PDE11A: variants seen among roughly 807,000 people sequenced by gnomAD.
The protein encoded by PDE11A is dual 3',5'-cyclic-AMP and -GMP phosphodiesterase 11A.
PDE11A carries 100 observed loss-of-function variants against 100.5 expected under a neutral mutation model. That is an observed-to-expected ratio of 1.00 (90% CI 0.85 to 1.18). The LOEUF (loss-of-function observed/expected upper bound fraction) is 1.18, where lower values mean the gene tolerates loss of function less well. PDE11A is among the 50% of genes most tolerant of loss of function. The probability of loss-of-function intolerance (pLI) is 0.00; values close to 1 mark genes in which losing one functional copy is unlikely to be tolerated. For missense variants in PDE11A, 1,141 were observed against 1,152.6 expected (o/e 0.99, Z 0.15); for synonymous variants, 381 against 420.8 (o/e 0.91, Z 1.16).
At chr2:177,794,211 A>C (rs78891542) in intron 9 of PDE11A, among the ~76,000 whole-genome samples, 3,086 of 152,316 alleles carry the variant, frequency 0.02, 56 homozygotes, top group South Asian at 0.048. Context: ...GGAAGGTGGC[A>C]CTGAATAGTA....
intron 10 of PDE11A, among the ~76,000 whole-genome samples, chr2:177,753,427 T>C (rs1203704564): frequency 6.6e-6 from 1 of 151,874 alleles, no homozygotes; most frequent in African/African-American, 2.4e-5. Context: ...ATAGCCCAGG[T>C]CCACATGAAG....
intron 10 of PDE11A, among the ~76,000 whole-genome samples, chr2:177,731,772 T>C (rs1385679404): frequency 1.3e-5 from 2 of 152,206 alleles, no homozygotes; most frequent in African/African-American, 4.8e-5. Flanking sequence ...GAGGAGTCTA[T>C]GGTATAAATC....
At chr2:178,075,813 G>A (rs1463715635), upstream of PDE11A, among the ~76,000 whole-genome samples, 1 of 152,092 alleles carries the variant, frequency 6.6e-6, no homozygotes. Flanking sequence ...ACTTGAAGAG[G>A]TCCCCTTAGG....
intron 10 of PDE11A, among the ~76,000 whole-genome samples, chr2:177,747,815 G>A (rs1388178236): frequency 6.6e-6 from 1 of 152,124 alleles, no homozygotes; most frequent in Non-Finnish European, 1.5e-5. Context: ...ACAAGAGATT[G>A]GCTGTGGGCC....
At chr2:177,707,586 TC>T (rs2081298798) in intron 13 of PDE11A, among the ~76,000 whole-genome samples, 1 of 152,146 alleles carries the variant, frequency 6.6e-6, no homozygotes, top group South Asian at 2.1e-4. Context: ...GTTTTTTTCA[TC>T]CGCTTGGTAT....
chr2:177,633,505 T>C (rs894145513), intron 19 of PDE11A, among the ~76,000 whole-genome samples: 3 of 152,218 alleles, frequency 2.0e-5, no homozygotes, highest in Non-Finnish European at 4.4e-5. Flanking sequence ...TAAGACAGAG[T>C]ATGTTCTGTC....
chr2:177,854,326 A>G (rs1403262957), intron 5 of PDE11A, among the ~76,000 whole-genome samples: 1 of 152,098 alleles, frequency 6.6e-6, no homozygotes, highest in Non-Finnish European at 1.5e-5. Flanking sequence ...TGAAAAAGAA[A>G]AGATGGAAAT....
At chr2:178,107,446 A>C (rs1437244861) in intron 1 of PDE11A, among the ~76,000 whole-genome samples, 1 of 150,718 alleles carries the variant, frequency 6.6e-6, no homozygotes, top group Non-Finnish European at 1.5e-5. Flanking sequence ...TCCAAGAATG[A>C]AGTAATTTCA....
At chr2:177,903,408 T>A (rs1435613530) in intron 3 of PDE11A, among the ~76,000 whole-genome samples, 2 of 152,206 alleles carry the variant, frequency 1.3e-5, no homozygotes, top group Non-Finnish European at 2.9e-5. Context: ...CTATGCAATT[T>A]AAAAAAATTG....
intron 2 of PDE11A, chr2:177,998,855 A>G: frequency 1.6e-6 from 1 of 608,064 alleles, no homozygotes; most frequent in Non-Finnish European, 3.0e-6. Context: ...CAAGCCCACT[A>G]CCTGCACTAT....
intron 2 of PDE11A, among the ~76,000 whole-genome samples, chr2:178,002,893 G>A (rs1448246317): frequency 6.6e-6 from 1 of 152,158 alleles, no homozygotes; most frequent in Non-Finnish European, 1.5e-5. Context: ...AGAAAAATGA[G>A]TGAAATTTAT....
intron 16 of PDE11A, chr2:177,676,017 G>A (rs2080767249): frequency 4.1e-6 from 1 of 244,754 alleles, no homozygotes; most frequent in Admixed American, 5.1e-5. Context: ...GCTCTACAGA[G>A]CTAAGATTTA....
chr2:177,997,339 T>C, intron 2 of PDE11A: 1 of 875,598 alleles, frequency 1.1e-6, no homozygotes, highest in Non-Finnish European at 2.0e-6. Flanking sequence ...GCCTGGCATC[T>C]CTTTTTTGTT....
chr2:177,767,531 C>T (rs2082255904), intron 10 of PDE11A, among the ~76,000 whole-genome samples: 1 of 152,006 alleles, frequency 6.6e-6, no homozygotes, highest in African/African-American at 2.4e-5. Flanking sequence ...AGCATTTTAG[C>T]AGGAACTGGA....
chr2:178,089,055 C>T (rs890924357), intron 2 of PDE11A, among the ~76,000 whole-genome samples: 3 of 152,144 alleles, frequency 2.0e-5, no homozygotes, highest in East Asian at 3.9e-4. Flanking sequence ...ATATGGTGCC[C>T]GTATCAGTTA....
intron 19 of PDE11A, among the ~76,000 whole-genome samples, chr2:177,661,688 T>C (rs957392269): frequency 1.3e-5 from 2 of 152,148 alleles, no homozygotes; most frequent in Non-Finnish European, 2.9e-5. Flanking sequence ...TTTTACTTAG[T>C]GATGACAAGG....
chr2:177,722,439 G>C (rs545550419), intron 12 of PDE11A, among the ~76,000 whole-genome samples: 4 of 152,226 alleles, frequency 2.6e-5, no homozygotes, highest in Admixed American at 2.6e-4. Context: ...CTGCCCAATT[G>C]TATGTTTGGT....
intron 16 of PDE11A, among the ~76,000 whole-genome samples, chr2:177,679,609 A>C (rs2080829954): frequency 6.6e-6 from 1 of 152,176 alleles, no homozygotes; most frequent in Non-Finnish European, 1.5e-5. Context: ...TGGCATTAAA[A>C]ATTATACAAA....
In PDE11A at chr2:178,062,379, G is replaced by T. The variant is rs192419268; in HGVS notation, c.912+9147C>A. Among the ~76,000 whole-genome samples the T allele has an allele frequency of 1.3e-4, 19 of 151,376 alleles. No homozygotes were observed. In the South Asian group the frequency reaches 4.0e-3, roughly 32 times the overall value. On this transcript the variant is annotated intron_variant, in intron 1 of 19. Coordinates refer to ENST00000286063, the MANE Select transcript of PDE11A (RefSeq NM_016953.4). ...GAAGCTACCTTAGCAGTTGCACAGAGTAACAGAGTGTGCACCCTCTCACTT... is the reference window on the plus strand; with the variant it reads ...GAAGCTACCTTAGCAGTTGCACAGATTAACAGAGTGTGCACCCTCTCACTT...
Sources: gnomAD v4.1 joint callset for allele counts (sites outside exome capture counted in the v4.1 genomes callset) on GRCh38, gnomAD v4.1.1 for gene constraint, MANE v1.5 for transcripts, NCBI Gene and HGNC (gene_info 2026-07-23, HGNC 2026-07-21) for gene names.